The following KBTBD11 variants were observed in gnomAD, a reference collection of about 807,000 sequenced individuals.
KBTBD11 encodes the protein kelch repeat and BTB domain containing 11, also known as kelch repeat and BTB domain-containing protein 11.
For missense variants in KBTBD11, 1,390 were observed against 1,001.8 expected, an observed-to-expected ratio of 1.39 and a Z score of -5.23; for synonymous variants, 747 against 499.0, an observed-to-expected ratio of 1.50 and a Z score of -6.63.
intron 1 of KBTBD11, among the ~76,000 whole-genome samples, chr8:1,983,448 G>A (rs1816606569): frequency 1.3e-5 from 2 of 152,210 alleles, no homozygotes; most frequent in African/African-American, 2.4e-5. Flanking sequence ...TGACCAGGGC[G>A]CTGGGGATTG....
At chr8:1,999,510 G>A (rs373180929) in intron 1 of KBTBD11, among the ~76,000 whole-genome samples, 1 of 152,164 alleles carries the variant, frequency 6.6e-6, no homozygotes, top group Non-Finnish European at 1.5e-5. Flanking sequence ...GGGAGTGTCC[G>A]TGAAGCGTTT....
In KBTBD11 at chr8:2,002,438, G is replaced by A; in HGVS notation, c.1246G>A (p.Ala416Thr). 2 of 1,505,140 alleles carry A rather than the reference G, an allele frequency of 1.3e-6. No homozygotes were observed. The highest frequency in any genetic ancestry group is 1.2e-5 in the South Asian group (1 of 81,350). The allele number at this position is 1,505,140 out of a possible 1,614,324, so 93.2% of individuals were successfully genotyped here. A position where few individuals can be genotyped will look rare whatever the true frequency, so the allele number is the denominator to read the frequency against. The part of the protein sequence containing the change: ...RLLALDGHLY[A>T]VGGECLLSVE... ...GCTGGCCCTGGACGGTCACCTCTAC[G>A]CCGTGGGCGGCGAGTGCCTGCTCAG... Residue 416 changes from alanine (A) to threonine (T), a missense_variant, in exon 2 of 2, where the codon GCC (alanine) becomes ACC (threonine). By Grantham distance (58) the Ala-to-Thr change is moderately conservative (BLOSUM62 0). Coordinates refer to ENST00000320248, the MANE Select transcript of KBTBD11 (RefSeq NM_014867.3). The surrounding 1 kb of genome is among the most constrained non-coding windows in gnomAD (Gnocchi z 4.1).
Position 2,001,519 on chromosome 8 carries a change from A to C in KBTBD11, c.327A>C (p.Glu109Asp). 1 of 1,415,606 alleles carries C rather than the reference A, an allele frequency of 7.1e-7. No homozygotes were observed. Among genetic ancestry groups the C allele is most frequent in the Non-Finnish European group, 9.2e-7 (1 of 1,090,224 alleles). The allele number at this position is 1,415,606 out of a possible 1,614,324, so 87.7% of individuals were successfully genotyped here. Residue 109 changes from glutamate to aspartate, a missense_variant, in exon 2 of 2, where the codon GAA becomes GAC. By Grantham distance (45) the Glu-to-Asp change is conservative. Coordinates refer to ENST00000320248, the MANE Select transcript of KBTBD11 (RefSeq NM_014867.3). ...CPEEPAAPSPEPRVWLEDPAS... is the reference protein window; with the variant it reads ...CPEEPAAPSPDPRVWLEDPAS... ...AAGAGCCCGCGGCGCCGTCCCCCGA[A>C]CCGCGCGTTTGGCTTGAGGACCCCG...
At chr8:1,983,262 C>T (rs1415671074) in intron 1 of KBTBD11, among the ~76,000 whole-genome samples, 1 of 152,164 alleles carries the variant, frequency 6.6e-6, no homozygotes. Context: ...TGTGTGCACC[C>T]CCATGCTCCA....
At position 2,004,199 on chromosome 8, in the gene KBTBD11, G is replaced by C. The variant is rs1817503235; in HGVS notation, c.*1135G>C. The C allele has an allele frequency of 6.0e-6, 1 of 167,004 alleles. No homozygotes were observed. Among genetic ancestry groups the C allele is most frequent in the Admixed American group, 6.5e-5 (1 of 15,290 alleles). 10.3% of individuals were successfully genotyped at this position (167,004 alleles called of 1,614,324 possible). A position where few individuals can be genotyped will look rare whatever the true frequency, so the allele number is the denominator to read the frequency against. On this transcript the variant is annotated 3_prime_UTR_variant, in exon 2 of 2. Coordinates refer to ENST00000320248, the MANE Select transcript of KBTBD11 (RefSeq NM_014867.3). ...GCAAGTAAACTGCATGTATTTAATT[G>C]TATTGAATTGAGTTCCAAAATACCC...
At chr8:1,983,990 C>T (rs900231329) in intron 1 of KBTBD11, among the ~76,000 whole-genome samples, 7 of 152,074 alleles carry the variant, frequency 4.6e-5, no homozygotes, top group African/African-American at 9.7e-5. Flanking sequence ...ATTAGCTGGG[C>T]GTGGTGGCAG....
chr8:1,995,927 A>G (rs1438858008), intron 1 of KBTBD11, among the ~76,000 whole-genome samples: 1 of 152,134 alleles, frequency 6.6e-6, no homozygotes, highest in African/African-American at 2.4e-5. Flanking sequence ...TGGGAGGCTG[A>G]GGTGGGAGGA....
At chr8:1,985,140 A>C (rs573267408) in intron 1 of KBTBD11, among the ~76,000 whole-genome samples, 1 of 152,222 alleles carries the variant, frequency 6.6e-6, no homozygotes, top group Non-Finnish European at 1.5e-5. Context: ...GAGGTGGCTC[A>C]CTGGAGACCC....
chr8:1,986,369 G>A (rs1375548316), intron 1 of KBTBD11, among the ~76,000 whole-genome samples: 2 of 152,156 alleles, frequency 1.3e-5, no homozygotes, highest in East Asian at 1.9e-4. Flanking sequence ...AGTAGGAGAC[G>A]GGTTTCTGCC....
At position 2,003,762 on chromosome 8, in the gene KBTBD11, A is replaced by G. The variant is rs1423651175; in HGVS notation, c.*698A>G. On this transcript the variant is annotated 3_prime_UTR_variant, in exon 2 of 2. Transcript: ENST00000320248. ...ACTGTTGGACCGAGGGGGCTTTCAT[A>G]TTTTCAGTTGAAAGGATGTTAACTG... The G allele has an allele frequency of 6.0e-6, 1 of 167,034 alleles. No homozygotes were observed. Among genetic ancestry groups the G allele is most frequent in the Non-Finnish European group, 1.5e-5 (1 of 68,118 alleles). The allele number at this position is 167,034 out of a possible 1,614,324, so 10.3% of individuals were successfully genotyped here.
chr8:1,993,737 C>G (rs1481695558), intron 1 of KBTBD11, among the ~76,000 whole-genome samples: 1 of 151,902 alleles, frequency 6.6e-6, no homozygotes, highest in Non-Finnish European at 1.5e-5. Context: ...AAGACTTTCT[C>G]TGCAAACACA....
At chr8:1,998,242 A>G (rs1470861925) in intron 1 of KBTBD11, among the ~76,000 whole-genome samples, 2 of 152,206 alleles carry the variant, frequency 1.3e-5, no homozygotes, top group Non-Finnish European at 2.9e-5. Context: ...GATGAGGGCT[A>G]CTCAGCCTCT....
intron 1 of KBTBD11, among the ~76,000 whole-genome samples, chr8:1,984,859 G>C (rs1395402875): frequency 6.6e-6 from 1 of 152,178 alleles, no homozygotes; most frequent in Admixed American, 6.5e-5. Context: ...TACGTTTCAG[G>C]CCACGTTGCT....
chr8:1,977,700 T>A (rs1816396975), intron 1 of KBTBD11, among the ~76,000 whole-genome samples: 1 of 5,906 alleles, frequency 1.7e-4, no homozygotes, highest in Non-Finnish European at 2.7e-4. Context: ...ATTTATTTAT[T>A]TTTTTTTGTA....
chr8:1,974,366 G>A (rs1022794544), intron 1 of KBTBD11: 194 of 984,648 alleles, frequency 2.0e-4, no homozygotes, highest in Non-Finnish European at 2.3e-4. Flanking sequence ...GCCCCAGCCG[G>A]CACGGAAGCA....
intron 1 of KBTBD11, among the ~76,000 whole-genome samples, chr8:1,995,290 C>T (rs907069295): frequency 1.3e-5 from 2 of 152,038 alleles, no homozygotes; most frequent in Admixed American, 6.6e-5. Context: ...GCTTGAACCA[C>T]TGTAGGAATC....
chr8:1,996,162 G>A (rs1315811194), intron 1 of KBTBD11, among the ~76,000 whole-genome samples: 2 of 152,198 alleles, frequency 1.3e-5, no homozygotes, highest in Non-Finnish European at 2.9e-5. Context: ...CATCTTTCTG[G>A]TGCTGATGGA....
chr8:1,993,373 CCG>C (rs1213564617), intron 1 of KBTBD11, among the ~76,000 whole-genome samples: 14 of 125,114 alleles, frequency 1.1e-4, no homozygotes, highest in African/African-American at 4.7e-4. Context: ...ATCCGTCCGT[CCG>C]TCCGTCCGTC....
rs1230347566 is a variant in KBTBD11, at chr8:2,001,811, G to T, written c.619G>T (p.Val207Leu). 42 of 1,230,222 alleles carry T rather than the reference G, an allele frequency of 3.4e-5. No individual in the cohort carries two copies. The highest frequency in any genetic ancestry group is 4.1e-5 in the Non-Finnish European group (41 of 990,304). 76.2% of individuals were successfully genotyped at this position (1,230,222 alleles called of 1,614,324 possible). A position where few individuals can be genotyped will look rare whatever the true frequency, so the allele number is the denominator to read the frequency against. The change falls in exon 2 of 2, where the codon GTG becomes TTG. Residue 207 changes from valine to leucine, a missense_variant. Transcript: ENST00000320248. ...CGTGCGGCCCGACAACGTGGCCGAG[G>T]TGGTGGCCGGCGCGCGCCGCCTGCA... ...AGVRPDNVAE[V>L]VAGARRLQLP...
Sources: allele counts gnomAD v4.1 joint callset (sites outside exome capture counted in the v4.1 genomes callset), GRCh38; gene constraint gnomAD v4.1.1; non-coding constraint Gnocchi (gnomAD v3.1); transcripts MANE v1.5; gene names NCBI Gene and HGNC (gene_info 2026-07-23, HGNC 2026-07-21).